Variants in FARS2 observed in about 807,000 individuals in gnomAD.
The protein encoded by FARS2 is phenylalanyl-tRNA synthetase 2, mitochondrial, also known as phenylalanine--tRNA ligase, mitochondrial.
Under a neutral mutation model 46.4 loss-of-function variants are expected in FARS2, and 40 were observed. The observed-to-expected ratio is 0.86, with a 90% CI of 0.67 to 1.12. The LOEUF (loss-of-function observed/expected upper bound fraction) is 1.12, where lower values mean the gene tolerates loss of function less well. FARS2 is among the 50% of genes most tolerant of loss of function. The pLI, the probability that FARS2 is intolerant of heterozygous loss-of-function variation, is 0.00. For missense variants in FARS2, 513 were observed against 567.9 expected, an observed-to-expected ratio of 0.90 and a Z score of 0.98; for synonymous variants, 234 against 214.9, an observed-to-expected ratio of 1.09 and a Z score of -0.78.
chr6:5,725,153 CCAGTGCTG>C (rs1760167415), intron 6 of FARS2, among the ~76,000 whole-genome samples: 2 of 152,238 alleles, frequency 1.3e-5, no homozygotes, highest in South Asian at 4.1e-4. Context: ...AGCAGACACC[CCAGTGCTG>C]AGCAGCTTTC....
intron 3 of FARS2, among the ~76,000 whole-genome samples, chr6:5,423,316 C>T (rs947090652): frequency 6.6e-6 from 1 of 151,898 alleles, no homozygotes; most frequent in Non-Finnish European, 1.5e-5. Flanking sequence ...TGAACCCATA[C>T]CCAGATTTCA....
At chr6:5,686,539 T>C (rs1016779091) in intron 6 of FARS2, among the ~76,000 whole-genome samples, 4 of 152,224 alleles carry the variant, frequency 2.6e-5, no homozygotes, top group Admixed American at 6.5e-5. Flanking sequence ...AACTCGTCCT[T>C]TTTTATGGCT....
chr6:5,697,019 T>C (rs138506982), intron 6 of FARS2, among the ~76,000 whole-genome samples: 2 of 152,142 alleles, frequency 1.3e-5, no homozygotes, highest in Non-Finnish European at 2.9e-5. Flanking sequence ...CTAGCAGAAA[T>C]AGGAGAAAAT....
intron 6 of FARS2, among the ~76,000 whole-genome samples, chr6:5,731,773 GATCAGAAAAA>G (rs1386569605): frequency 6.6e-6 from 1 of 152,108 alleles, no homozygotes; most frequent in Non-Finnish European, 1.5e-5. Flanking sequence ...TTAAACTGAA[GATCAGAAAAA>G]ATCAGAAAAA....
chr6:5,615,681 C>T (rs986752283), intron 6 of FARS2, among the ~76,000 whole-genome samples: 1 of 152,026 alleles, frequency 6.6e-6, no homozygotes, highest in Non-Finnish European at 1.5e-5. Context: ...TGCATATGAT[C>T]GCTTTTTTGC....
intron 6 of FARS2, among the ~76,000 whole-genome samples, chr6:5,655,659 A>C (rs946026445): frequency 1.3e-5 from 2 of 152,210 alleles, no homozygotes; most frequent in Admixed American, 1.3e-4. Flanking sequence ...TCCTGTGATT[A>C]TGTTGTGTCC....
chr6:5,488,406 T>C (rs1766904737), intron 4 of FARS2, among the ~76,000 whole-genome samples: 1 of 152,200 alleles, frequency 6.6e-6, no homozygotes, highest in Admixed American at 6.5e-5. Flanking sequence ...ATATCTACTA[T>C]TGCACTGCCT....
At chr6:5,303,207 C>G (rs950197585) in intron 1 of FARS2, among the ~76,000 whole-genome samples, 3 of 152,088 alleles carry the variant, frequency 2.0e-5, no homozygotes, top group Non-Finnish European at 2.9e-5. Flanking sequence ...CTGGCAGGGA[C>G]TCAGTGGGGA....
the FARS2 span, among the ~76,000 whole-genome samples, chr6:5,255,087 T>C: frequency 7.9e-5 from 12 of 152,280 alleles, no homozygotes; most frequent in African/African-American, 2.9e-4. Flanking sequence ...CACAGCTACC[T>C]TCCCCAAACA....
chr6:5,411,887 G>A (rs1294365794), intron 3 of FARS2, among the ~76,000 whole-genome samples: 1 of 152,164 alleles, frequency 6.6e-6, no homozygotes, highest in Non-Finnish European at 1.5e-5. Flanking sequence ...ACTGTGCTTA[G>A]TAGATCATTT....
chr6:5,418,611 C>T (rs1762373636), intron 3 of FARS2, among the ~76,000 whole-genome samples: 2 of 152,206 alleles, frequency 1.3e-5, no homozygotes, highest in Admixed American at 1.3e-4. Flanking sequence ...TTTTTCAACA[C>T]ACATGATCAG....
chr6:5,738,581 G>A (rs941918916), intron 6 of FARS2, among the ~76,000 whole-genome samples: 7 of 152,156 alleles, frequency 4.6e-5, no homozygotes, highest in African/African-American at 1.7e-4. Flanking sequence ...TATAAGGGAT[G>A]TTTTTATTGC....
At chr6:5,431,469 C>T (rs374271067) in intron 4 of FARS2, among the ~76,000 whole-genome samples, 52 of 152,284 alleles carry the variant, frequency 3.4e-4, no homozygotes, top group Middle Eastern at 3.4e-3. Context: ...GTAATTGCCC[C>T]AAAGACATTT....
chr6:5,338,220 C>G (rs1771297484), intron 1 of FARS2, among the ~76,000 whole-genome samples: 1 of 152,066 alleles, frequency 6.6e-6, no homozygotes, highest in South Asian at 2.1e-4. Context: ...CCACTAGATT[C>G]AGGTAGAGTT....
Position 5,762,048 on chromosome 6 carries a change from G to T in FARS2, c.1218-9243G>T, listed in dbSNP as rs1762504598. ...ATAATCACTGGGCATCATGTGTTCA[G>T]GGTTCATCTATGTTGTAGCATGTAT... On this transcript the variant is annotated intron_variant, in intron 6 of 6. Transcript: ENST00000274680. Among the ~76,000 whole-genome samples the T allele has an allele frequency of 5.3e-5, 8 of 152,234 alleles. No individual in the cohort carries two copies. In the South Asian group the frequency reaches 1.7e-3, roughly 32 times the overall value.
chr6:5,378,198 G>C (rs1270604565), intron 2 of FARS2, among the ~76,000 whole-genome samples: 1 of 152,004 alleles, frequency 6.6e-6, no homozygotes, highest in Non-Finnish European at 1.5e-5. Context: ...TTTCCTCATG[G>C]AGGGATTTTA....
At chr6:5,768,777 C>T (rs1445997238) in intron 6 of FARS2, among the ~76,000 whole-genome samples, 1 of 152,082 alleles carries the variant, frequency 6.6e-6, no homozygotes, top group East Asian at 1.9e-4. Context: ...TTTATCTTTG[C>T]AGAAATGTCT....
intron 5 of FARS2, among the ~76,000 whole-genome samples, chr6:5,568,479 G>A (rs568551284): frequency 1.2e-4 from 18 of 152,178 alleles, no homozygotes; most frequent in Admixed American, 3.3e-4. Context: ...GCACTAGTGA[G>A]GGAGGGGCAT....
chr6:5,645,304 G>A (rs1324681597), intron 6 of FARS2, among the ~76,000 whole-genome samples: 1 of 152,198 alleles, frequency 6.6e-6, no homozygotes, highest in East Asian at 1.9e-4. Context: ...TTTGGCCAAG[G>A]CTCTGGGCCA....
Sources: gnomAD v4.1 joint callset for allele counts (sites outside exome capture counted in the v4.1 genomes callset) on GRCh38, gnomAD v4.1.1 for gene constraint, MANE v1.5 for transcripts, NCBI Gene and HGNC (gene_info 2026-07-23, HGNC 2026-07-21) for gene names.